The following FOXN3 variants were observed in gnomAD, a reference collection of about 807,000 sequenced individuals.
The protein encoded by FOXN3 is forkhead box N3.
FOXN3 carries 7 observed loss-of-function variants against 38.4 expected under a neutral mutation model. The observed-to-expected ratio is 0.18, with a 90% confidence interval of 0.10 to 0.34. The LOEUF is 0.34. FOXN3 is among the 10% of genes least tolerant of loss of function. The pLI, the probability that FOXN3 is intolerant of heterozygous loss-of-function variation, is 1.00. For missense variants in FOXN3, 456 were observed against 613.4 expected (o/e 0.74, Z 2.71); for synonymous variants, 230 against 242.2 (o/e 0.95, Z 0.47).
intron 3 of FOXN3, among the ~76,000 whole-genome samples, chr14:89,347,952 C>CAA (rs5810456): frequency 4.6e-5 from 7 of 151,060 alleles, no homozygotes; most frequent in Non-Finnish European, 7.4e-5. Flanking sequence ...GACTCCGTCT[C>CAA]AAAAAAAAGC....
chr14:89,479,341 C>A (rs1893276951), intron 1 of FOXN3, among the ~76,000 whole-genome samples: 1 of 152,174 alleles, frequency 6.6e-6, no homozygotes, highest in Non-Finnish European at 1.5e-5. Flanking sequence ...AGCCCCCAGG[C>A]CTTGGCACCA....
At chr14:89,371,916 G>A (rs962701589) in intron 2 of FOXN3, among the ~76,000 whole-genome samples, 11 of 151,830 alleles carry the variant, frequency 7.2e-5, no homozygotes, top group East Asian at 1.9e-4. Flanking sequence ...TTCAGGTCCC[G>A]GGGGGATGGA....
chr14:89,382,308 T>C (rs1234909256), intron 2 of FOXN3, among the ~76,000 whole-genome samples: 1 of 152,012 alleles, frequency 6.6e-6, no homozygotes, highest in Non-Finnish European at 1.5e-5. Flanking sequence ...CTCTACTTCA[T>C]TATACTTCAA....
chr14:89,335,219 C>T (rs1272285271), intron 3 of FOXN3, among the ~76,000 whole-genome samples: 1 of 152,146 alleles, frequency 6.6e-6, no homozygotes, highest in Non-Finnish European at 1.5e-5. Flanking sequence ...TAAATATCCA[C>T]AATTTTTATT....
chr14:89,292,278 A>G (rs1886898704), intron 3 of FOXN3, among the ~76,000 whole-genome samples: 1 of 152,004 alleles, frequency 6.6e-6, no homozygotes, highest in African/African-American at 2.4e-5. Context: ...CCATCGCCAC[A>G]CATAAACTGG....
intron 4 of FOXN3, among the ~76,000 whole-genome samples, chr14:89,229,469 AAC>A (rs1884740506): frequency 6.6e-6 from 1 of 152,190 alleles, no homozygotes; most frequent in African/African-American, 2.4e-5. Flanking sequence ...GACAGAAAAG[AAC>A]AACAAAGTTT....
chr14:89,538,866 C>T (rs189062803), intron 1 of FOXN3, among the ~76,000 whole-genome samples: 97 of 151,846 alleles, frequency 6.4e-4, no homozygotes, highest in African/African-American at 2.0e-3. Context: ...ATTTTTGAGA[C>T]GGAGTCTCAC....
chr14:89,388,858 G>A (rs948890493), intron 2 of FOXN3, among the ~76,000 whole-genome samples: 3 of 151,934 alleles, frequency 2.0e-5, no homozygotes, highest in African/African-American at 7.3e-5. Flanking sequence ...TGGGAGACGA[G>A]GCTGCTACCA....
intron 4 of FOXN3, among the ~76,000 whole-genome samples, chr14:89,275,944 T>C (rs1192383837): frequency 6.6e-6 from 1 of 152,166 alleles, no homozygotes; most frequent in African/African-American, 2.4e-5. Context: ...TGCCTTTAAG[T>C]CCTTCCATTA....
chr14:89,457,112 T>C (rs1385879874), intron 1 of FOXN3, among the ~76,000 whole-genome samples: 1 of 152,224 alleles, frequency 6.6e-6, no homozygotes. Flanking sequence ...AGCTTGACTC[T>C]GGGAGCTACT....
chr14:89,496,713 CATA>C (rs547099147), intron 1 of FOXN3, among the ~76,000 whole-genome samples: 1 of 152,288 alleles, frequency 6.6e-6, no homozygotes, highest in African/African-American at 2.4e-5. Flanking sequence ...TAAATATATT[CATA>C]ATGACATGCA....
chr14:89,183,371 T>A (rs975231595), intron 4 of FOXN3, among the ~76,000 whole-genome samples: 6 of 152,172 alleles, frequency 3.9e-5, no homozygotes, highest in Non-Finnish European at 4.4e-5. Context: ...ATTATTACAC[T>A]CCCATATACA....
At chr14:89,332,574 A>G (rs1888283233) in intron 3 of FOXN3, among the ~76,000 whole-genome samples, 1 of 152,230 alleles carries the variant, frequency 6.6e-6, no homozygotes, top group Admixed American at 6.5e-5. Flanking sequence ...TAAAACTTTA[A>G]TTCAATGTTA....
At chr14:89,421,974 G>A (rs930300011), upstream of FOXN3, among the ~76,000 whole-genome samples, 5 of 152,078 alleles carry the variant, frequency 3.3e-5, no homozygotes, top group African/African-American at 1.2e-4. Flanking sequence ...CGAACTCCTA[G>A]ACTCAAACAA....
At chr14:89,352,173 ACT>A (rs1888996416) in intron 2 of FOXN3, among the ~76,000 whole-genome samples, 1 of 152,144 alleles carries the variant, frequency 6.6e-6, no homozygotes, top group African/African-American at 2.4e-5. Flanking sequence ...CTGGCTGGAC[ACT>A]CTATGCTTAA....
chr14:89,247,757 G>A (rs1885339523), intron 4 of FOXN3, among the ~76,000 whole-genome samples: 1 of 152,094 alleles, frequency 6.6e-6, no homozygotes, highest in Non-Finnish European at 1.5e-5. Flanking sequence ...ACCAGATTTG[G>A]TTTTGCCCTT....
At chr14:89,539,489 T>G (rs547273373) in intron 1 of FOXN3, among the ~76,000 whole-genome samples, 1 of 152,324 alleles carries the variant, frequency 6.6e-6, no homozygotes, top group Admixed American at 6.5e-5. Context: ...AAATGGGATG[T>G]CTATAATGGA....
chr14:89,526,119 T>C (rs981360413), intron 1 of FOXN3, among the ~76,000 whole-genome samples: 1 of 126,648 alleles, frequency 7.9e-6, no homozygotes, highest in Non-Finnish European at 1.8e-5. Context: ...GAAGGAACTT[T>C]TTCAACTTCA....
At chr14:89,565,558 A>G (rs77125368) in intron 1 of FOXN3, among the ~76,000 whole-genome samples, 3,307 of 152,228 alleles carry the variant, frequency 0.022, 115 homozygotes, top group African/African-American at 0.075. Context: ...CTTTGACATG[A>G]AGTGTTTGGG....
Sources: allele counts gnomAD v4.1 joint callset (sites outside exome capture counted in the v4.1 genomes callset), GRCh38; gene constraint gnomAD v4.1.1; transcripts MANE v1.5; gene names NCBI Gene and HGNC (gene_info 2026-07-23, HGNC 2026-07-21).